DOCK10: variants seen among roughly 807,000 people sequenced by gnomAD.
DOCK10 encodes dedicator of cytokinesis 10.
DOCK10 carries 145 observed loss-of-function variants against 280.1 expected under a neutral mutation model. That is an observed-to-expected ratio of 0.52 (90% CI 0.45 to 0.59). DOCK10 has a LOEUF of 0.59. Among genes scored for constraint, DOCK10 ranks in the 20% least tolerant of loss-of-function variants. DOCK10 has a pLI of 0.00. For synonymous variants in DOCK10, 915 were observed against 942.2 expected (o/e 0.97, Z 0.53); for missense variants, 2,368 against 2,651.7 (o/e 0.89, Z 2.35).
At chr2:224,912,205 A>C (rs1701055272) in intron 3 of DOCK10, among the ~76,000 whole-genome samples, 2 of 151,842 alleles carry the variant, frequency 1.3e-5, no homozygotes, top group Non-Finnish European at 2.9e-5. Context: ...ACGCGATCTC[A>C]GATCACTGCA....
At chr2:224,851,458 TAA>T (rs765444040) in intron 18 of DOCK10, among the ~76,000 whole-genome samples, 11,955 of 139,372 alleles carry the variant, frequency 0.086, 693 homozygotes, top group Middle Eastern at 0.15. Context: ...TTTTTTTTTT[TAA>T]AAAAAAAAAA....
chr2:224,864,603 T>C lies in DOCK10; in HGVS notation c.1552A>G (p.Asn518Asp). Residue 518 changes from asparagine to aspartate, a missense_variant, in exon 13 of 56, where the codon AAC (asparagine) becomes GAC (aspartate). Asn to Asp is a conservative substitution (Grantham distance 23, BLOSUM62 1). Coordinates refer to ENST00000258390, the MANE Select transcript of DOCK10 (RefSeq NM_014689.3). ...VAKIEKVLMG[N>D]IASGAEPYIK... ...TAAGGTTCGGCACCACTTGCAATGT[T>C]TCCCATCAAGACTTTTTCGATTTTG... 1 of 1,613,502 alleles carries C rather than the reference T, an allele frequency of 6.2e-7. No homozygotes were observed. Among genetic ancestry groups the C allele is most frequent in the Non-Finnish European group, 8.5e-7 (1 of 1,179,790 alleles).
chr2:224,784,416 A>T (rs1691588895), intron 50 of DOCK10, among the ~76,000 whole-genome samples: 1 of 152,218 alleles, frequency 6.6e-6, no homozygotes, highest in Non-Finnish European at 1.5e-5. Context: ...TCTATGCTAC[A>T]TATATTTAAG....
At chr2:224,952,980 A>T (rs529471787) in intron 1 of DOCK10, among the ~76,000 whole-genome samples, 1 of 152,356 alleles carries the variant, frequency 6.6e-6, no homozygotes, top group African/African-American at 2.4e-5. Context: ...GAATCTAAGC[A>T]ACCGGGGGGC....
intron 28 of DOCK10, among the ~76,000 whole-genome samples, chr2:224,819,801 T>C (rs1010336554): frequency 2.6e-5 from 4 of 151,278 alleles, no homozygotes; most frequent in Admixed American, 1.3e-4. Flanking sequence ...ACAAGAAAAA[T>C]TGAAAGGAAA....
At chr2:224,780,035 C>T (rs977510808) in intron 50 of DOCK10, among the ~76,000 whole-genome samples, 7 of 152,164 alleles carry the variant, frequency 4.6e-5, no homozygotes, top group Non-Finnish European at 1.0e-4. Flanking sequence ...AAAGGGCACA[C>T]ATCTTAAAAA....
At chr2:224,847,281 G>A (rs1696428239) in intron 19 of DOCK10, among the ~76,000 whole-genome samples, 1 of 152,170 alleles carries the variant, frequency 6.6e-6, no homozygotes, top group Non-Finnish European at 1.5e-5. Flanking sequence ...AAGTAGCATG[G>A]CACAGTGTTA....
At position 224,970,574 on chromosome 2, in the gene DOCK10, C is replaced by A. The variant is rs1208577759; in HGVS notation, c.124-38906G>T. The stretch of plus-strand genomic sequence containing the variant: ...AATAGAATTCTATAAACCCTTCAAT[C>A]CGAAGAGATTACAACAAAGTGATTT... On this transcript the variant is annotated intron_variant, in intron 1 of 55. Coordinates refer to ENST00000258390, the MANE Select transcript of DOCK10 (RefSeq NM_014689.3). This position sits in a 1 kb window ranked among gnomAD's most constrained non-coding sequence, Gnocchi z 4.6. Among the ~76,000 whole-genome samples, 1 of 152,210 alleles carries A rather than the reference C, an allele frequency of 6.6e-6. No individual in the cohort carries two copies. The highest frequency in any genetic ancestry group is 1.5e-5 in the Non-Finnish European group (1 of 68,036).
Position 224,876,199 on chromosome 2 carries a change from G to C in DOCK10, c.770C>G (p.Ala257Gly), listed in dbSNP as rs558377753. ...CAGATCATTCATTTTCAATTCAAAGGCATATTTTCTTAGTCTGTTATTCTG... is the reference window on the plus strand; with the variant it reads ...CAGATCATTCATTTTCAATTCAAAGCCATATTTTCTTAGTCTGTTATTCTG... ...VVQNNRLRKY[A>G]FELKMNDLTY... The change falls in exon 8 of 56, where the codon GCC (alanine) becomes GGC (glycine). Residue 257 changes from alanine (A) to glycine (G), a missense_variant. This residue lies in a region of DOCK10 where 1,209 missense variants were observed against 1,250.9 expected (regional missense o/e 0.97). Coordinates refer to ENST00000258390, the MANE Select transcript of DOCK10 (RefSeq NM_014689.3). 6.2e-7 allele frequency: 1 copy of C among 1,611,016 alleles called. No individual in the cohort carries two copies. Among genetic ancestry groups the C allele is most frequent in the Non-Finnish European group, 8.5e-7 (1 of 1,178,544 alleles).
At position 224,830,523 on chromosome 2, in the gene DOCK10, T is replaced by C. The variant is rs1437824396; in HGVS notation, c.3036+18A>G. 8 of 1,282,490 alleles carry C rather than the reference T, an allele frequency of 6.2e-6. No individual in the cohort carries two copies. In the East Asian group the frequency reaches 1.6e-4, roughly 25 times the overall value. 79.4% of individuals were successfully genotyped at this position (1,282,490 alleles called of 1,614,324 possible). A position where few individuals can be genotyped will look rare whatever the true frequency, so the allele number is the denominator to read the frequency against. ...ATATTGTAAAAATATTATAATATTA[T>C]ATTACTTATGTTCTTACCTGGATTT... On this transcript the variant is annotated intron_variant, in intron 27 of 55. Coordinates refer to ENST00000258390, the MANE Select transcript of DOCK10 (RefSeq NM_014689.3).
At chr2:225,035,573 T>TATATATATATATATATATA (rs1690229207) in intron 1 of DOCK10, among the ~76,000 whole-genome samples, 2 of 44,134 alleles carry the variant, frequency 4.5e-5, no homozygotes, top group Non-Finnish European at 1.2e-4. Flanking sequence ...TATATATATA[T>TATATATATATATATATATA]ATATATATAT....
At chr2:224,980,589 C>G (rs551071313) in intron 1 of DOCK10, among the ~76,000 whole-genome samples, 5 of 152,290 alleles carry the variant, frequency 3.3e-5, no homozygotes, top group Admixed American at 2.0e-4. Context: ...AAGAAATTTT[C>G]AAGATGCACA....
chr2:224,774,143 T>C (rs1193817359), intron 52 of DOCK10, among the ~76,000 whole-genome samples: 1 of 152,222 alleles, frequency 6.6e-6, no homozygotes, highest in Admixed American at 6.5e-5. Context: ...GTGCTACTGA[T>C]AGGCTGTAGC....
At chr2:224,999,510 T>TGCCTCC (rs1706368888) in intron 1 of DOCK10, among the ~76,000 whole-genome samples, 1 of 135,692 alleles carries the variant, frequency 7.4e-6, no homozygotes, top group African/African-American at 2.7e-5. Flanking sequence ...TCCCTCCCTC[T>TGCCTCC]CTCCCCTCTT....
rs1702606804 is a variant in DOCK10 at position 224,934,995 on chromosome 2, G to C, written c.124-3327C>G. Among the ~76,000 whole-genome samples, 3 of 152,150 alleles carry C rather than the reference G, an allele frequency of 2.0e-5. No individual in the cohort carries two copies. In the South Asian group the frequency reaches 6.2e-4, roughly 31 times the overall value. On this transcript the variant is annotated intron_variant, in intron 1 of 55. Coordinates refer to ENST00000258390, the MANE Select transcript of DOCK10 (RefSeq NM_014689.3). ...GGTGAGAGGCCCTATTCTTCTTACA[G>C]AGAATTAAGAGATTTCTTTGATCTA...
At chr2:224,778,523 A>G (rs1412534325) in intron 50 of DOCK10, 5 of 534,326 alleles carry the variant, frequency 9.4e-6, no homozygotes, top group Non-Finnish European at 1.7e-5. Context: ...CTCATGAAAT[A>G]TCTTACAAAT....
chr2:224,793,486 CAG>C (rs757658596), intron 45 of DOCK10, 29 bp from the exon 46 acceptor site: 27 of 1,591,244 alleles, frequency 1.7e-5, no homozygotes, highest in Non-Finnish European at 2.2e-5. Flanking sequence ...TAAAGAGGCT[CAG>C]GGGATGGAGT....
intron 1 of DOCK10, among the ~76,000 whole-genome samples, chr2:224,947,516 T>C (rs1703489352): frequency 6.6e-6 from 1 of 152,230 alleles, no homozygotes; most frequent in Non-Finnish European, 1.5e-5. Context: ...TTAGAATTTT[T>C]TGTATATTGG....
intron 3 of DOCK10, among the ~76,000 whole-genome samples, chr2:224,899,298 C>G (rs986919262): frequency 2.6e-5 from 4 of 151,858 alleles, no homozygotes; most frequent in African/African-American, 9.7e-5. Context: ...AAATATTATC[C>G]CCTAATTCCC....
Sources: allele counts gnomAD v4.1 joint callset (sites outside exome capture counted in the v4.1 genomes callset), GRCh38; gene constraint gnomAD v4.1.1; regional missense constraint gnomAD v4.1.1; non-coding constraint Gnocchi (gnomAD v3.1); transcripts MANE v1.5; gene names NCBI Gene and HGNC (gene_info 2026-07-23, HGNC 2026-07-21).